The following KIRREL3 variants were observed in gnomAD, a reference collection of about 807,000 sequenced individuals.
KIRREL3 encodes kirre like nephrin family adhesion molecule 3.
In KIRREL3, 36 loss-of-function variants were observed where a neutral mutation model predicts 89.7. That is an observed-to-expected ratio of 0.40 (90% CI 0.31 to 0.53). The LOEUF (loss-of-function observed/expected upper bound fraction) is 0.53. Ranked by LOEUF, KIRREL3 falls within the 20% of genes least tolerant of loss-of-function variation. The pLI is 0.49. For missense variants in KIRREL3, 864 were observed against 1,056.6 expected, an observed-to-expected ratio of 0.82 and a Z score of 2.53; for synonymous variants, 445 against 441.4, an observed-to-expected ratio of 1.01 and a Z score of -0.10.
chr11:126,871,405 C>G (rs1380696894), intron 1 of KIRREL3, among the ~76,000 whole-genome samples: 2 of 152,174 alleles, frequency 1.3e-5, no homozygotes, highest in African/African-American at 4.8e-5. Context: ...GGGTAAGTCA[C>G]TTACCCTCTC....
chr11:126,616,075 A>C (rs535295058), intron 1 of KIRREL3, among the ~76,000 whole-genome samples: 1 of 152,332 alleles, frequency 6.6e-6, no homozygotes, highest in African/African-American at 2.4e-5. Flanking sequence ...GCGGCCGAGC[A>C]TACGTGGCAG....
At position 126,443,039 on chromosome 11, in the gene KIRREL3, G is replaced by A. The variant is rs1202523560; in HGVS notation, c.1252+1940C>T. 6.6e-6 allele frequency among the ~76,000 whole-genome samples: 1 copy of A among 152,208 alleles called. No homozygotes were observed. The highest frequency in any genetic ancestry group is 1.5e-5 in the Non-Finnish European group (1 of 68,032). ...CCTCCCGGCCTGTGTTCCCCAGGGG[G>A]CATTCTCTCCTCAAGAAATCTCTTT... On this transcript the variant is annotated intron_variant, in intron 10 of 16. Coordinates refer to ENST00000525144, the MANE Select transcript of KIRREL3 (RefSeq NM_032531.4). This position sits in a 1 kb window ranked among gnomAD's most constrained non-coding sequence, Gnocchi z 7.3.
At position 126,455,858 on chromosome 11, in the gene KIRREL3, C is replaced by T. The variant is rs1956321494; in HGVS notation, c.848+491G>A. Among the ~76,000 whole-genome samples the T allele has an allele frequency of 6.6e-6, 1 of 151,632 alleles. No individual in the cohort carries two copies. Among genetic ancestry groups the T allele is most frequent in the Non-Finnish European group, 1.5e-5 (1 of 67,962 alleles). On this transcript the variant is annotated intron_variant, in intron 7 of 16. Transcript: ENST00000525144. This position sits in a 1 kb window ranked among gnomAD's most constrained non-coding sequence, Gnocchi z 6.4. ...CAAACCAAACAGTGGTGCTTTTATC[C>T]GTGTTGTGAGCAAGAGACACACAGG...
At chr11:126,533,114 G>A (rs1958993192) in intron 2 of KIRREL3, among the ~76,000 whole-genome samples, 1 of 152,092 alleles carries the variant, frequency 6.6e-6, no homozygotes, top group African/African-American at 2.4e-5. Flanking sequence ...GCTAGTAATA[G>A]GTAACTTTTA....
At chr11:126,760,309 C>A (rs940714916) in intron 1 of KIRREL3, among the ~76,000 whole-genome samples, 8 of 152,188 alleles carry the variant, frequency 5.3e-5, no homozygotes, top group African/African-American at 1.9e-4. Context: ...AAACAGAGCT[C>A]TAGCAGTGGG....
At chr11:126,751,674 A>T (rs1284108577) in intron 1 of KIRREL3, among the ~76,000 whole-genome samples, 1 of 152,158 alleles carries the variant, frequency 6.6e-6, no homozygotes, top group Non-Finnish European at 1.5e-5. Flanking sequence ...GAGGAAAAAA[A>T]AAAAGAAAAT....
rs949326638 is a variant in KIRREL3 at position 126,682,518 on chromosome 11, C to A, written c.56-119606G>T. Among the ~76,000 whole-genome samples the A allele has an allele frequency of 6.6e-6, 1 of 152,062 alleles. No homozygotes were observed. Among genetic ancestry groups the A allele is most frequent in the Non-Finnish European group, 1.5e-5 (1 of 68,012 alleles). ...TCAAATGAGTGATGACCTCTGAGTG[C>A]GGAGCTTTTTTGTCAATTTTTTAAA... On this transcript the variant is annotated intron_variant, in intron 1 of 16. Coordinates refer to ENST00000525144, the MANE Select transcript of KIRREL3 (RefSeq NM_032531.4). The surrounding 1 kb of genome is among the most constrained non-coding windows in gnomAD (Gnocchi z 4.8).
In KIRREL3 at chr11:126,440,462, G is replaced by A; in HGVS notation, c.1340C>T (p.Pro447Leu). 3 of 1,581,084 alleles carry A rather than the reference G, an allele frequency of 1.9e-6. No homozygotes were observed. The highest frequency in any genetic ancestry group is 2.3e-5 in the East Asian group (1 of 42,872). The change falls in exon 11 of 17, where the codon CCG becomes CTG. Residue 447 changes from proline to leucine, a missense_variant. Pro to Leu is a moderately conservative substitution (Grantham distance 98, BLOSUM62 -3). Transcript: ENST00000525144. ...TGGAGCACTCACGATGCGGTCCGGC[G>A]GCGGCGTGCTCCGGATGAAGCACTT... Reference protein sequence around the residue: ...QIKCFIRSTPPPDRIAWSWKE... With the variant: ...QIKCFIRSTPLPDRIAWSWKE...
intron 1 of KIRREL3, among the ~76,000 whole-genome samples, chr11:126,958,835 G>A (rs1047153416): frequency 1.3e-5 from 2 of 152,096 alleles, no homozygotes; most frequent in African/African-American, 2.4e-5. Context: ...AGTGCCCCTT[G>A]TGATGGTTAA....
At chr11:126,854,399 G>A (rs1260675023) in intron 1 of KIRREL3, among the ~76,000 whole-genome samples, 1 of 151,982 alleles carries the variant, frequency 6.6e-6, no homozygotes, top group Non-Finnish European at 1.5e-5. Context: ...ATTACCTCCA[G>A]CCCCTGACAA....
chr11:126,427,985 G>A lies in KIRREL3; in HGVS notation c.1806+1194C>T, dbSNP rs1955001600. Among the ~76,000 whole-genome samples, 2 of 152,210 alleles carry A rather than the reference G, an allele frequency of 1.3e-5. No homozygotes were observed. Among genetic ancestry groups the A allele is most frequent in the South Asian group, 4.1e-4 (2 of 4,832 alleles). On this transcript the variant is annotated intron_variant, in intron 15 of 16. Transcript: ENST00000525144. The surrounding 1 kb of genome is among the most constrained non-coding windows in gnomAD (Gnocchi z 5.3). ...ATTGGAGAGAGAAAGCGTAGCCGAG[G>A]GAAAAGTCAGTTTGATTCAGTAAAC...
chr11:126,440,316 G>A (rs1398135674), intron 11 of KIRREL3, 133 bp downstream of exon 11: 1 of 781,898 alleles, frequency 1.3e-6, no homozygotes, highest in African/African-American at 1.7e-5. Context: ...GACAGCCAAG[G>A]CAGGTATAAT....
rs1350130366 is a variant in KIRREL3, at chr11:126,485,290, CT to C, written c.434-11825del. On this transcript the variant is annotated intron_variant, in intron 4 of 16. Transcript: ENST00000525144. The surrounding 1 kb of genome is among the most constrained non-coding windows in gnomAD (Gnocchi z 5.8). ...AGGTGTGCTGGAGGCTGTTTCAGTT[CT>C]GCTCCTAACCTGGGGGTGGGGGGAA... Among the ~76,000 whole-genome samples, 7 of 152,292 alleles carry C rather than the reference CT, an allele frequency of 4.6e-5. No individual in the cohort carries two copies. Among genetic ancestry groups the C allele is most frequent in the Non-Finnish European group, 7.4e-5 (5 of 68,024 alleles).
chr11:126,450,995 G>T (rs1191364019), intron 7 of KIRREL3, among the ~76,000 whole-genome samples: 1 of 151,258 alleles, frequency 6.6e-6, no homozygotes, highest in Non-Finnish European at 1.5e-5. Context: ...GTGTCAATGT[G>T]CATGTGTGCA....
At position 126,976,848 on chromosome 11, in the gene KIRREL3, C is replaced by T. The variant is rs1218583993; in HGVS notation, c.55+23607G>A. Among the ~76,000 whole-genome samples the T allele has an allele frequency of 6.6e-6, 1 of 152,106 alleles. No homozygotes were observed. The highest frequency in any genetic ancestry group is 2.4e-5 in the African/African-American group (1 of 41,424). On this transcript the variant is annotated intron_variant, in intron 1 of 16. Transcript: ENST00000525144. This position sits in a 1 kb window ranked among gnomAD's most constrained non-coding sequence, Gnocchi z 4.2. ...GTTATTACTTCACGGTGGAGCTAGGCACTTAATCCTTGATCTGGGTGACTC... is the reference window on the plus strand; with the variant it reads ...GTTATTACTTCACGGTGGAGCTAGGTACTTAATCCTTGATCTGGGTGACTC...
In KIRREL3 at chr11:126,989,856, G is replaced by GT. The variant is rs952736202; in HGVS notation, c.55+10598dup. On this transcript the variant is annotated intron_variant, in intron 1 of 16. Coordinates refer to ENST00000525144, the MANE Select transcript of KIRREL3 (RefSeq NM_032531.4). The surrounding 1 kb of genome is among the most constrained non-coding windows in gnomAD (Gnocchi z 6.2). The stretch of plus-strand genomic sequence containing the variant: ...GTTCAAACAGCCATGGCCCGTGGTG[G>GT]TTTTTTATAATGGTGTTGTTGGAAA... Among the ~76,000 whole-genome samples, 11 of 152,320 alleles carry GT rather than the reference G, an allele frequency of 7.2e-5. No homozygotes were observed. Among genetic ancestry groups the GT allele is most frequent in the African/African-American group, 2.2e-4 (9 of 41,582 alleles).
At chr11:126,874,883 A>G (rs1945222838) in intron 1 of KIRREL3, among the ~76,000 whole-genome samples, 1 of 152,134 alleles carries the variant, frequency 6.6e-6, no homozygotes, top group Non-Finnish European at 1.5e-5. Context: ...TAAGACATAC[A>G]GGCCTAGAGA....
chr11:126,510,509 G>A (rs190495828), intron 4 of KIRREL3, among the ~76,000 whole-genome samples: 16 of 140,558 alleles, frequency 1.1e-4, no homozygotes, highest in Admixed American at 1.0e-3. Context: ...ACCAGACACT[G>A]CACCCTTTGC....
intron 1 of KIRREL3, among the ~76,000 whole-genome samples, chr11:126,851,283 G>A (rs952643851): frequency 6.6e-6 from 1 of 152,208 alleles, no homozygotes; most frequent in Non-Finnish European, 1.5e-5. Context: ...TGGTTCACTG[G>A]AAAATGTCTG....
Sources: gnomAD v4.1 joint callset for allele counts (sites outside exome capture counted in the v4.1 genomes callset) on GRCh38, gnomAD v4.1.1 for gene constraint, Gnocchi (gnomAD v3.1) non-coding constraint, MANE v1.5 for transcripts, NCBI Gene and HGNC (gene_info 2026-07-23, HGNC 2026-07-21) for gene names.